EML1: variants seen among roughly 807,000 people sequenced by gnomAD.
EML1 encodes echinoderm microtubule-associated protein-like 1.
A neutral mutation model predicts 110.4 loss-of-function variants in EML1; 27 were observed. The observed-to-expected ratio is 0.24, with a 90% confidence interval of 0.18 to 0.34. The LOEUF is 0.34. Among genes scored for constraint, EML1 ranks in the 10% least tolerant of loss-of-function variants. The probability of loss-of-function intolerance (pLI) is 1.00; values close to 1 mark genes in which losing one functional copy is unlikely to be tolerated. For synonymous variants in EML1, 344 were observed against 385.8 expected, an observed-to-expected ratio of 0.89 and a Z score of 1.27; for missense variants, 741 against 1,030.9, an observed-to-expected ratio of 0.72 and a Z score of 3.85.
intron 6 of EML1, among the ~76,000 whole-genome samples, chr14:99,895,413 C>T (rs1279825623): frequency 6.6e-6 from 1 of 152,130 alleles, no homozygotes; most frequent in Non-Finnish European, 1.5e-5. Flanking sequence ...ACTTAGTCAA[C>T]TCTTCAGGGA....
chr14:99,793,362 C>A, upstream of EML1: 1 of 989,818 alleles, frequency 1.0e-6, no homozygotes. Flanking sequence ...CAGCAGCCGC[C>A]ACAGCAGGGC....
At chr14:99,916,954 G>A (rs943590411) in intron 15 of EML1, among the ~76,000 whole-genome samples, 1 of 152,114 alleles carries the variant, frequency 6.6e-6, no homozygotes, top group African/African-American at 2.4e-5. Context: ...TCTTGTATCC[G>A]AGTTAGTGAT....
At chr14:99,856,409 C>A (rs3783323) in intron 2 of EML1, among the ~76,000 whole-genome samples, 38,121 of 151,696 alleles carry the variant, frequency 0.25, 5,222 homozygotes, top group Non-Finnish European at 0.3. Context: ...ATGTTACGGT[C>A]TCTTCACAAG....
At chr14:99,789,095 A>C (rs1012342832), upstream of EML1, among the ~76,000 whole-genome samples, 1 of 152,148 alleles carries the variant, frequency 6.6e-6, no homozygotes, top group African/African-American at 2.4e-5. Context: ...CCCCTCGGCT[A>C]TTGTGAATAA....
chr14:99,789,123 G>C (rs1030427614), upstream of EML1, among the ~76,000 whole-genome samples: 1 of 152,156 alleles, frequency 6.6e-6, no homozygotes, highest in Non-Finnish European at 1.5e-5. Flanking sequence ...ATGAACATGG[G>C]TGTATGAATA....
intron 10 of EML1, among the ~76,000 whole-genome samples, chr14:99,908,760 T>C (rs1459208463): frequency 2.0e-5 from 3 of 152,200 alleles, no homozygotes; most frequent in African/African-American, 7.2e-5. Flanking sequence ...GCCGGTTCAC[T>C]GAGCCACAGG....
At chr14:99,843,033 C>T (rs182129472) in intron 1 of EML1, among the ~76,000 whole-genome samples, 2 of 152,260 alleles carry the variant, frequency 1.3e-5, no homozygotes, top group East Asian at 1.9e-4. Context: ...GCAGGATAAT[C>T]GCTTGAGGCT....
chr14:99,892,769 A>G (rs546173955), intron 5 of EML1, among the ~76,000 whole-genome samples: 3 of 152,342 alleles, frequency 2.0e-5, no homozygotes, highest in Admixed American at 2.0e-4. Flanking sequence ...TGGATATTTC[A>G]TAGACATTGG....
chr14:99,747,457 C>G (rs1286409641), intron 1 of EML1, among the ~76,000 whole-genome samples: 1 of 152,006 alleles, frequency 6.6e-6, no homozygotes, highest in Non-Finnish European at 1.5e-5. Context: ...AGGAGAAACT[C>G]TATCCTAAAG....
chr14:99,851,774 C>T (rs770625449), intron 2 of EML1, among the ~76,000 whole-genome samples: 5 of 152,144 alleles, frequency 3.3e-5, no homozygotes, highest in East Asian at 3.9e-4. Context: ...TAGCAACACT[C>T]GATCATATGC....
intron 1 of EML1, among the ~76,000 whole-genome samples, chr14:99,824,554 G>C (rs1362192939): frequency 2.0e-5 from 3 of 152,094 alleles, no homozygotes; most frequent in Non-Finnish European, 2.9e-5. Flanking sequence ...CCTCAACACA[G>C]TAAGTAGCTT....
chr14:99,791,846 C>T (rs1191083401), upstream of EML1, among the ~76,000 whole-genome samples: 1 of 152,248 alleles, frequency 6.6e-6, no homozygotes, highest in African/African-American at 2.4e-5. Context: ...CCTCTCTTAC[C>T]TGGCCCCTTG....
At chr14:99,766,016 T>C (rs956429540) in intron 1 of EML1, among the ~76,000 whole-genome samples, 5 of 152,154 alleles carry the variant, frequency 3.3e-5, no homozygotes, top group African/African-American at 1.2e-4. Flanking sequence ...TACATTTTAT[T>C]TACTACTTAC....
At chr14:99,898,389 G>A (rs2059705886) in intron 8 of EML1, 87 bp downstream of exon 8, 1 of 1,280,412 alleles carries the variant, frequency 7.8e-7, no homozygotes, top group Non-Finnish European at 1.1e-6. Flanking sequence ...GAGTAAGGCT[G>A]CTTAGATATA....
intron 1 of EML1, among the ~76,000 whole-genome samples, chr14:99,812,172 G>A (rs190702873): frequency 2.0e-5 from 3 of 152,028 alleles, no homozygotes; most frequent in African/African-American, 7.2e-5. Context: ...AACAGTACGT[G>A]TGTGTTGGAG....
chr14:99,937,906 G>A lies in EML1; in HGVS notation c.2185G>A (p.Val729Ile), dbSNP rs769332840. ...CTATACCTGCACTTTGGGATTCCAT[G>A]TTTTTGGTAAGTTTGCTGCAGATTT... ...ATYTCTLGFH[V>I]FGVWPEGSDG... The change falls in exon 20 of 22, where the codon GTT becomes ATT. Residue 729 changes from valine (V) to isoleucine (I), a missense_variant. Physicochemically the swap from Val to Ile is conservative, Grantham distance 29. Around this residue, in one of 4 missense-constraint regions of EML1, gnomAD observed 114 missense variants for 122.5 expected, o/e 0.93. Transcript: ENST00000262233. 2.4e-5 allele frequency: 38 copies of A among 1,613,864 alleles called. No individual in the cohort carries two copies. The highest frequency in any genetic ancestry group is 6.6e-5 in the South Asian group (6 of 91,072).
chr14:99,876,209 A>G (rs868198087), intron 3 of EML1, among the ~76,000 whole-genome samples: 1 of 152,164 alleles, frequency 6.6e-6, no homozygotes, highest in South Asian at 2.1e-4. Context: ...AGCCCCAGGC[A>G]GGAGCTGCCT....
chr14:99,763,348 TC>T (rs1038149114), intron 1 of EML1, among the ~76,000 whole-genome samples: 8 of 152,208 alleles, frequency 5.3e-5, no homozygotes, highest in African/African-American at 1.7e-4. Context: ...TCACCGCTTC[TC>T]CAGATACTCC....
intron 5 of EML1, chr14:99,892,088 G>C (rs1032744531): frequency 2.0e-5 from 20 of 976,030 alleles, no homozygotes; most frequent in Non-Finnish European, 2.3e-5. Context: ...TCCGGGCTCC[G>C]GGGCAGGCAG....
Sources: allele counts gnomAD v4.1 joint callset (sites outside exome capture counted in the v4.1 genomes callset), GRCh38; gene constraint gnomAD v4.1.1; regional missense constraint gnomAD v4.1.1; transcripts MANE v1.5; gene names NCBI Gene and HGNC (gene_info 2026-07-23, HGNC 2026-07-21).